Variants in DPP6 observed in about 807,000 individuals in gnomAD.
DPP6 encodes the protein dipeptidyl peptidase like 6.
A neutral mutation model predicts 122.6 loss-of-function variants in DPP6; 69 were observed. The ratio of observed to expected loss-of-function variants is 0.56; its 90% CI spans 0.46 to 0.69. The LOEUF is 0.69. Ranked by LOEUF, DPP6 falls within the 30% of genes least tolerant of loss-of-function variation. The pLI is 0.00. For missense variants in DPP6, 928 were observed against 1,116.9 expected (o/e 0.83, Z 2.41); for synonymous variants, 418 against 433.1 (o/e 0.97, Z 0.43).
chr7:154,608,697 TGC>T (rs1210200914), intron 5 of DPP6, among the ~76,000 whole-genome samples: 1 of 152,058 alleles, frequency 6.6e-6, no homozygotes, highest in African/African-American at 2.4e-5. Flanking sequence ...TTCATGTTAT[TGC>T]TCTTGGGTCT....
At chr7:154,726,021 C>A (rs990059840) in intron 7 of DPP6, among the ~76,000 whole-genome samples, 2 of 152,222 alleles carry the variant, frequency 1.3e-5, no homozygotes, top group Admixed American at 1.3e-4. Context: ...ATATCCAGTG[C>A]ATGCTGATAC....
chr7:154,061,914 G>C (rs1471340598), intron 1 of DPP6, among the ~76,000 whole-genome samples: 1 of 131,950 alleles, frequency 7.6e-6, no homozygotes, highest in Non-Finnish European at 1.7e-5. Context: ...TCCCCCCCTG[G>C]CTCTGAGGAC....
chr7:154,575,397 G>GTTTGTGTATA (rs1831541560), intron 5 of DPP6, among the ~76,000 whole-genome samples: 2 of 101,992 alleles, frequency 2.0e-5, no homozygotes, highest in African/African-American at 7.9e-5. Flanking sequence ...TGTGTGTAGT[G>GTTTGTGTATA]TGTGTGTGGT....
intron 2 of DPP6, among the ~76,000 whole-genome samples, chr7:154,447,135 G>A (rs1025071019): frequency 2.6e-5 from 4 of 152,070 alleles, no homozygotes; most frequent in South Asian, 4.1e-4. Flanking sequence ...GTGAAACCTC[G>A]TCTCTACTAA....
intron 2 of DPP6, among the ~76,000 whole-genome samples, chr7:154,472,549 ATCAT>A (rs1395230615): frequency 1.3e-5 from 2 of 152,088 alleles, no homozygotes; most frequent in South Asian, 2.1e-4. Flanking sequence ...CTATGTTCTG[ATCAT>A]TCATTCTGCT....
At chr7:154,134,153 C>A (rs559040245) in intron 1 of DPP6, among the ~76,000 whole-genome samples, 48 of 152,098 alleles carry the variant, frequency 3.2e-4, no homozygotes, top group Non-Finnish European at 6.0e-4. Flanking sequence ...CTGGATAGCA[C>A]CCAGGGGAAT....
intron 5 of DPP6, among the ~76,000 whole-genome samples, chr7:154,614,030 C>G (rs528377025): frequency 8.6e-4 from 131 of 152,354 alleles, no homozygotes; most frequent in African/African-American, 3.0e-3. Context: ...AGCCACTCTC[C>G]AGCGGCAGCA....
chr7:154,021,614 G>C (rs116611104), intron 1 of DPP6, among the ~76,000 whole-genome samples: 3 of 152,154 alleles, frequency 2.0e-5, no homozygotes, highest in African/African-American at 7.2e-5. Context: ...GGGGCTGAAG[G>C]CTCATGATGC....
At chr7:154,202,442 T>G (rs1799222277) in intron 1 of DPP6, among the ~76,000 whole-genome samples, 3 of 152,172 alleles carry the variant, frequency 2.0e-5, no homozygotes, top group Admixed American at 6.5e-5. Flanking sequence ...TTCCATTTCA[T>G]TTTGGTTAGT....
intron 1 of DPP6, among the ~76,000 whole-genome samples, chr7:154,245,957 C>A (rs1037187165): frequency 1.3e-5 from 2 of 152,044 alleles, no homozygotes; most frequent in Non-Finnish European, 2.9e-5. Context: ...ACAGATTACT[C>A]CAATAATTGC....
chr7:153,815,689 T>G, the DPP6 span, among the ~76,000 whole-genome samples: 1 of 152,132 alleles, frequency 6.6e-6, no homozygotes, highest in Non-Finnish European at 1.5e-5. Context: ...AAAGATAACC[T>G]TGTACAGCTT....
intron 1 of DPP6, among the ~76,000 whole-genome samples, chr7:154,192,083 G>A (rs1416821112): frequency 6.6e-6 from 1 of 152,146 alleles, no homozygotes; most frequent in African/African-American, 2.4e-5. Context: ...TCCTGTTTTA[G>A]CTGCACGAGT....
At chr7:154,765,481 A>G (rs1795838361) in intron 8 of DPP6, among the ~76,000 whole-genome samples, 1 of 152,216 alleles carries the variant, frequency 6.6e-6, no homozygotes, top group Admixed American at 6.5e-5. Flanking sequence ...TCATTGTTGC[A>G]TTGGCCTTTA....
chr7:154,181,776 A>T (rs1315707553), intron 1 of DPP6, among the ~76,000 whole-genome samples: 1 of 147,818 alleles, frequency 6.8e-6, no homozygotes, highest in African/African-American at 2.5e-5. Context: ...TTTGAGACAA[A>T]GTCTCTGTCA....
At chr7:154,477,995 C>T (rs947413836) in intron 3 of DPP6, among the ~76,000 whole-genome samples, 10 of 152,062 alleles carry the variant, frequency 6.6e-5, no homozygotes, top group African/African-American at 2.4e-4. Flanking sequence ...CCTCAGCTTC[C>T]CCTTACCTTT....
At chr7:154,568,624 G>A (rs1489122963) in intron 5 of DPP6, among the ~76,000 whole-genome samples, 1 of 152,102 alleles carries the variant, frequency 6.6e-6, no homozygotes, top group African/African-American at 2.4e-5. Context: ...GAGTGCCCTG[G>A]GATCCCATTG....
chr7:153,912,379 T>C (rs1426600270), intron 1 of DPP6, among the ~76,000 whole-genome samples: 3 of 152,136 alleles, frequency 2.0e-5, no homozygotes, highest in Non-Finnish European at 4.4e-5. Context: ...AGCGAGAGCT[T>C]CATGAAAGAG....
the DPP6 span, among the ~76,000 whole-genome samples, chr7:153,829,421 G>GGTCA: frequency 1.3e-5 from 2 of 152,018 alleles, no homozygotes; most frequent in Non-Finnish European, 2.9e-5. Flanking sequence ...TCACCATGTT[G>GGTCA]GTCAGGCTGG....
intron 1 of DPP6, among the ~76,000 whole-genome samples, chr7:154,385,597 G>A (rs1257485017): frequency 3.9e-5 from 6 of 152,088 alleles, no homozygotes; most frequent in Admixed American, 3.9e-4. Flanking sequence ...ATTCCCTCGT[G>A]GGTTGTCATG....
Sources: gnomAD v4.1 joint callset for allele counts (sites outside exome capture counted in the v4.1 genomes callset) on GRCh38, gnomAD v4.1.1 for gene constraint, MANE v1.5 for transcripts, NCBI Gene and HGNC (gene_info 2026-07-23, HGNC 2026-07-21) for gene names.